TDP1: variants seen among roughly 807,000 people sequenced by gnomAD.
TDP1 encodes tyrosyl-DNA phosphodiesterase 1.
TDP1 carries 64 observed loss-of-function variants against 81.5 expected under a neutral mutation model. The ratio of observed to expected loss-of-function variants is 0.79; its 90% CI spans 0.64 to 0.97. TDP1 has a LOEUF of 0.97. TDP1 is among the 50% of genes least tolerant of loss of function. The pLI is 0.00. For synonymous variants in TDP1, 256 were observed against 264.3 expected (o/e 0.97, Z 0.30); for missense variants, 723 against 743.8 (o/e 0.97, Z 0.33).
intron 14 of TDP1, among the ~76,000 whole-genome samples, chr14:90,013,581 A>T (rs1884974014): frequency 6.6e-6 from 1 of 152,114 alleles, no homozygotes; most frequent in South Asian, 2.1e-4. Flanking sequence ...TTTCCTTTGT[A>T]AATTATCCAG....
intron 14 of TDP1, among the ~76,000 whole-genome samples, chr14:90,007,718 A>C (rs561632460): frequency 2.6e-5 from 4 of 151,476 alleles, no homozygotes; most frequent in African/African-American, 9.7e-5. Flanking sequence ...TCATCCTTCC[A>C]CCTCAGCCTC....
chr14:89,966,002 A>G (rs535228177), intron 3 of TDP1, 145 bp from the exon 4 acceptor site: 13 of 1,012,440 alleles, frequency 1.3e-5, no homozygotes, highest in Non-Finnish European at 1.9e-5. Context: ...ATGAAACATT[A>G]AAGTCTGACT....
intron 14 of TDP1, among the ~76,000 whole-genome samples, chr14:90,000,354 G>A (rs1897082129): frequency 6.6e-6 from 1 of 152,108 alleles, no homozygotes; most frequent in Non-Finnish European, 1.5e-5. Context: ...GGATATACAG[G>A]CATGTGCACC....
chr14:89,973,636 A>G (rs1444588610), intron 6 of TDP1, among the ~76,000 whole-genome samples: 1 of 152,182 alleles, frequency 6.6e-6, no homozygotes, highest in Non-Finnish European at 1.5e-5. Flanking sequence ...CCCATTTTGC[A>G]AATGTGGGAC....
At chr14:89,989,690 G>A (rs747977736) in intron 11 of TDP1, 27 bp from the exon 12 acceptor site, 2 of 1,577,670 alleles carry the variant, frequency 1.3e-6, no homozygotes, top group Non-Finnish European at 1.7e-6. Context: ...TACATTCCGA[G>A]TTTTATTGTT....
chr14:89,989,735 A>T lies in TDP1; in HGVS notation c.1336A>T (p.Asn446Tyr). 6.2e-7 allele frequency: 1 copy of T among 1,611,702 alleles called. No homozygotes were observed. The highest frequency in any genetic ancestry group is 8.5e-7 in the Non-Finnish European group (1 of 1,177,942). ...PLYLIYPSVE[N>Y]VRTSLEGYPA... Reference sequence around the variant, plus strand: ...TTTTTAGATCTATCCTTCTGTGGAAAATGTGCGGACCAGTTTAGAAGGATA... The same window carrying T: ...TTTTTAGATCTATCCTTCTGTGGAATATGTGCGGACCAGTTTAGAAGGATA... The change falls in exon 12 of 17, where the codon AAT (asparagine) becomes TAT (tyrosine). Residue 446 changes from asparagine (N) to tyrosine (Y), a missense_variant. Physicochemically the swap from Asn to Tyr is moderately radical, Grantham distance 143. Coordinates refer to ENST00000335725, the MANE Select transcript of TDP1 (RefSeq NM_018319.4).
chr14:90,040,165 A>G (rs1371379828), intron 16 of TDP1, among the ~76,000 whole-genome samples: 2 of 152,106 alleles, frequency 1.3e-5, no homozygotes, highest in African/African-American at 4.8e-5. Flanking sequence ...AGCCTTGCTT[A>G]CTTGTTCATC....
chr14:90,021,512 T>C (rs1297496078), intron 15 of TDP1, among the ~76,000 whole-genome samples: 1 of 152,212 alleles, frequency 6.6e-6, no homozygotes, highest in East Asian at 1.9e-4. Flanking sequence ...AAAATGCTAA[T>C]AGGAAGAAAT....
chr14:90,032,491 G>T (rs1887395156), intron 15 of TDP1, among the ~76,000 whole-genome samples: 1 of 152,100 alleles, frequency 6.6e-6, no homozygotes, highest in Non-Finnish European at 1.5e-5. Context: ...ACTGCGGCAG[G>T]CCTTGTGTTG....
chr14:90,020,007 C>T (rs1885781774), intron 15 of TDP1, among the ~76,000 whole-genome samples: 1 of 152,230 alleles, frequency 6.6e-6, no homozygotes, highest in East Asian at 1.9e-4. Flanking sequence ...GCCCAGTAAG[C>T]CCCCTGGAAA....
In TDP1 at chr14:89,984,674, C is replaced by G. The variant is rs1466813215; in HGVS notation, c.1043C>G (p.Ser348Cys). Residue 348 changes from serine (S) to cysteine (C), a missense_variant, in exon 9 of 17, where the codon TCT (serine) becomes TGT (cysteine). Coordinates refer to ENST00000335725, the MANE Select transcript of TDP1 (RefSeq NM_018319.4). ...WIDVIHKHDL[S>C]ETNVYLIGST... ...GATGTCATTCACAAGCACGATCTCT[C>G]TGAAACAAAGTATGTGTCAGCTTAT... The G allele has an allele frequency of 1.9e-6, 3 of 1,613,862 alleles. No homozygotes were observed. The highest frequency in any genetic ancestry group is 2.5e-6 in the Non-Finnish European group (3 of 1,180,020).
chr14:90,018,058 A>T (rs1885520579), intron 14 of TDP1, among the ~76,000 whole-genome samples: 1 of 146,262 alleles, frequency 6.8e-6, no homozygotes, highest in Admixed American at 6.7e-5. Flanking sequence ...GTTCCCATAG[A>T]ACCCTTAACA....
chr14:89,967,338 C>A, intron 4 of TDP1, 29 bp from the exon 5 acceptor site: 2 of 1,608,340 alleles, frequency 1.2e-6, no homozygotes, highest in African/African-American at 2.7e-5. Context: ...TTACCTATGG[C>A]TTAGTTACTC....
intron 7 of TDP1, among the ~76,000 whole-genome samples, chr14:89,978,520 A>G (rs190816537): frequency 1.5e-4 from 23 of 152,326 alleles, no homozygotes; most frequent in Admixed American, 1.5e-3. Context: ...AGCAGACAGT[A>G]TGGCAGGTCA....
intron 14 of TDP1, among the ~76,000 whole-genome samples, chr14:90,010,451 C>A (rs1305913869): frequency 3.3e-5 from 5 of 152,132 alleles, no homozygotes; most frequent in Admixed American, 1.3e-4. Context: ...AATTATCTGG[C>A]AAAGGGGAAT....
chr14:90,000,639 C>A (rs553548812), intron 14 of TDP1, among the ~76,000 whole-genome samples: 1 of 152,296 alleles, frequency 6.6e-6, no homozygotes, highest in South Asian at 2.1e-4. Flanking sequence ...CCCACCTCGG[C>A]CCCCCAAAGT....
At chr14:90,003,639 G>A (rs1449718350) in intron 14 of TDP1, among the ~76,000 whole-genome samples, 1 of 152,218 alleles carries the variant, frequency 6.6e-6, no homozygotes, top group Non-Finnish European at 1.5e-5. Context: ...AGTTACGAAA[G>A]TTGTGTATTG....
chr14:89,966,953 A>G, intron 4 of TDP1: 2 of 984,050 alleles, frequency 2.0e-6, no homozygotes, highest in Admixed American at 6.1e-5. Context: ...CTGAAAGGAA[A>G]TGTTCTTTTC....
rs1036949852 is a variant in TDP1, at chr14:90,002,828, G to A, written c.1541+9345G>A. Among the ~76,000 whole-genome samples, 18 of 152,102 alleles carry A rather than the reference G, an allele frequency of 1.2e-4. 1 individual carries two copies. Among genetic ancestry groups the A allele is most frequent in the Middle Eastern group, 3.4e-3 (1 of 294 alleles). ...ATTGAGGCTGCAGTGAGTCATGATG[G>A]CACCACTGTACTCCAGCCTAGGCAA... On this transcript the variant is annotated intron_variant, in intron 14 of 16. Transcript: ENST00000335725.
Sources: allele counts gnomAD v4.1 joint callset (sites outside exome capture counted in the v4.1 genomes callset), GRCh38; gene constraint gnomAD v4.1.1; transcripts MANE v1.5; gene names NCBI Gene and HGNC (gene_info 2026-07-23, HGNC 2026-07-21).